Variants in ATXN10 observed in about 807,000 individuals in gnomAD.
The protein encoded by ATXN10 is ataxin-10.
In ATXN10, 28 loss-of-function variants were observed where a neutral mutation model predicts 52.9. The observed-to-expected ratio is 0.53, with a 90% CI of 0.39 to 0.73. The LOEUF (loss-of-function observed/expected upper bound fraction) is 0.73. Ranked by LOEUF, ATXN10 falls within the 30% of genes least tolerant of loss-of-function variation. The pLI, the probability that ATXN10 is intolerant of heterozygous loss-of-function variation, is 0.00. For synonymous variants in ATXN10, 226 were observed against 221.5 expected, an observed-to-expected ratio of 1.02 and a Z score of -0.18; for missense variants, 565 against 577.0, an observed-to-expected ratio of 0.98 and a Z score of 0.21.
At position 45,824,649 on chromosome 22, in the gene ATXN10, A is replaced by G. The variant is rs1928759828; in HGVS notation, c.1237+17627A>G. 6.6e-6 allele frequency among the ~76,000 whole-genome samples: 1 copy of G among 152,268 alleles called. No homozygotes were observed. The highest frequency in any genetic ancestry group is 6.5e-5 in the Admixed American group (1 of 15,290). On this transcript the variant is annotated intron_variant, in intron 10 of 11. Coordinates refer to ENST00000252934, the MANE Select transcript of ATXN10 (RefSeq NM_013236.4). This position sits in a 1 kb window ranked among gnomAD's most constrained non-coding sequence, Gnocchi z 5.2. Reference sequence around the variant, plus strand: ...GGAACAATGACTTACAAAGTGCAGTAAACACATCACATATCCATGGGTATA... The same window carrying G: ...GGAACAATGACTTACAAAGTGCAGTGAACACATCACATATCCATGGGTATA...
At chr22:45,731,755 A>G (rs1925097723) in intron 7 of ATXN10, among the ~76,000 whole-genome samples, 1 of 152,162 alleles carries the variant, frequency 6.6e-6, no homozygotes, top group African/African-American at 2.4e-5. Flanking sequence ...TTGTGAATAT[A>G]CTTTCGTTCA....
At chr22:45,834,012 G>A (rs367899725) in intron 10 of ATXN10, among the ~76,000 whole-genome samples, 4 of 152,192 alleles carry the variant, frequency 2.6e-5, no homozygotes, top group African/African-American at 9.7e-5. Context: ...AACATCTACC[G>A]CATAGAGAGT....
chr22:45,672,916 G>A (rs996101320), intron 1 of ATXN10: 1 of 152,228 alleles, frequency 6.6e-6, no homozygotes, highest in African/African-American at 2.4e-5. Flanking sequence ...TTAGTTGCTG[G>A]ATTGTACAGA....
chr22:45,672,006 C>T lies in ATXN10; in HGVS notation c.-58C>T, dbSNP rs1601580097. ...CTCCTCCCTCCTCGTCATCCTCCCC[C>T]TTCGTCCTCCTCGCCTTCCTCCTCC... On this transcript the variant is annotated 5_prime_UTR_variant, in exon 1 of 12. Coordinates refer to ENST00000252934, the MANE Select transcript of ATXN10 (RefSeq NM_013236.4). 3 of 1,521,220 alleles carry T rather than the reference C, an allele frequency of 2.0e-6. No homozygotes were observed. Among genetic ancestry groups the T allele is most frequent in the South Asian group, 2.4e-5 (2 of 83,116 alleles). 94.2% of individuals were successfully genotyped at this position (1,521,220 alleles called of 1,614,324 possible).
chr22:45,786,702 TTCCTTTATGGC>T lies in ATXN10; in HGVS notation c.1174-20256_1174-20246del, dbSNP rs1927334949. On this transcript the variant is annotated intron_variant, in intron 9 of 11. Transcript: ENST00000252934. The surrounding 1 kb of genome is among the most constrained non-coding windows in gnomAD (Gnocchi z 4.1). Reference sequence around the variant, plus strand: ...TAGGCAGCTGGAGGAATGCTCAGCCTTCCTTTATGGCAAAGGAAAGCCCCAAAGAACATTTT... The same window carrying T: ...TAGGCAGCTGGAGGAATGCTCAGCCTAAAGGAAAGCCCCAAAGAACATTTT... 1.3e-5 allele frequency among the ~76,000 whole-genome samples: 2 copies of T among 152,222 alleles called. No homozygotes were observed. The highest frequency in any genetic ancestry group is 4.8e-5 in the African/African-American group (2 of 41,458).
intron 6 of ATXN10, among the ~76,000 whole-genome samples, chr22:45,723,076 G>T (rs111276909): frequency 1.3e-5 from 2 of 152,032 alleles, no homozygotes. Context: ...TTTAGAGTAC[G>T]CATTTGGGCC....
At chr22:45,811,847 G>A in intron 10 of ATXN10, 1 of 461,150 alleles carries the variant, frequency 2.2e-6, no homozygotes, top group Middle Eastern at 3.3e-4. Context: ...AACCAAAACT[G>A]GATCATTCCT....
At chr22:45,735,972 A>G (rs963716324) in intron 7 of ATXN10, among the ~76,000 whole-genome samples, 2 of 152,068 alleles carry the variant, frequency 1.3e-5, no homozygotes, top group African/African-American at 2.4e-5. Flanking sequence ...CCAGATGCTC[A>G]TTAGAAACAC....
Position 45,759,900 on chromosome 22 carries a change from AC to A in ATXN10, c.1173+19366del, listed in dbSNP as rs900967424. 6.6e-6 allele frequency among the ~76,000 whole-genome samples: 1 copy of A among 152,116 alleles called. No individual in the cohort carries two copies. The highest frequency in any genetic ancestry group is 2.4e-5 in the African/African-American group (1 of 41,426). On this transcript the variant is annotated intron_variant, in intron 9 of 11. Transcript: ENST00000252934. This position sits in a 1 kb window ranked among gnomAD's most constrained non-coding sequence, Gnocchi z 5.4. Reference sequence around the variant, plus strand: ...AGATGTCTGCACCTGTGTAATTATCACCCCAGTCAAGGTACAGAGAGCACCT... The same window carrying A: ...AGATGTCTGCACCTGTGTAATTATCACCCAGTCAAGGTACAGAGAGCACCT...
At chr22:45,827,231 A>G (rs1337662981) in intron 10 of ATXN10, among the ~76,000 whole-genome samples, 3 of 152,180 alleles carry the variant, frequency 2.0e-5, no homozygotes, top group Admixed American at 1.3e-4. Flanking sequence ...CAGTACAAAA[A>G]ATAAAAAGAA....
Position 45,740,717 on chromosome 22 carries a change from C to CACACAT in ATXN10, c.1173+182_1173+183insCATACA, listed in dbSNP as rs1197717038. 7.2e-3 allele frequency: 2,932 copies of CACACAT among 406,588 alleles called. 82 individuals carry two copies. Among genetic ancestry groups the CACACAT allele is most frequent in the African/African-American group, 0.065 (2,710 of 41,876 alleles). 25.2% of individuals were successfully genotyped at this position (406,588 alleles called of 1,614,324 possible). ...ACACACACACACACACACACACACA[C>CACACAT]ACATATATATACACACACACACGTG... On this transcript the variant is annotated intron_variant, in intron 9 of 11. Transcript: ENST00000252934.
rs571750107 is a variant in ATXN10, at chr22:45,731,187, A to C, written c.894+1597A>C. Among the ~76,000 whole-genome samples the C allele has an allele frequency of 7.2e-5, 11 of 152,332 alleles. No homozygotes were observed. The South Asian group carries it at 1.9e-3, about 26-fold the overall frequency. On this transcript the variant is annotated intron_variant, in intron 7 of 11. Transcript: ENST00000252934. ...GTAAAAAGGGATGCACTTGTGATACAACAGGGAAGAATCTCAGAAGTGCTG... is the reference window on the plus strand; with the variant it reads ...GTAAAAAGGGATGCACTTGTGATACCACAGGGAAGAATCTCAGAAGTGCTG...
chr22:45,685,808 TATAG>T (rs1205108179), intron 1 of ATXN10, among the ~76,000 whole-genome samples: 1 of 152,198 alleles, frequency 6.6e-6, no homozygotes, highest in Non-Finnish European at 1.5e-5. Context: ...GAATAGAAGC[TATAG>T]ATATTTATTA....
At chr22:45,692,928 C>CA in intron 2 of ATXN10, 68 bp from the exon 3 acceptor site, 1 of 1,331,354 alleles carries the variant, frequency 7.5e-7, no homozygotes, top group Admixed American at 1.7e-5. Context: ...CATTGTAGTG[C>CA]AAAAACAGCC....
At chr22:45,761,201 A>T (rs558798507) in intron 9 of ATXN10, among the ~76,000 whole-genome samples, 1 of 152,034 alleles carries the variant, frequency 6.6e-6, no homozygotes, top group East Asian at 1.9e-4. Flanking sequence ...GCTCACTGCA[A>T]CCTCCACCTC....
intron 9 of ATXN10, among the ~76,000 whole-genome samples, chr22:45,746,467 A>G (rs888751644): frequency 6.6e-6 from 1 of 152,228 alleles, no homozygotes; most frequent in African/African-American, 2.4e-5. Flanking sequence ...GTACATCAGT[A>G]CTGGCTGACT....
At position 45,823,547 on chromosome 22, in the gene ATXN10, A is replaced by T. The variant is rs993320172; in HGVS notation, c.1237+16525A>T. Reference sequence around the variant, plus strand: ...CATAAATCATTGTCCTACAGGCATGATTCTGTTTCCTGTGCTGTATTCTCT... The same window carrying T: ...CATAAATCATTGTCCTACAGGCATGTTTCTGTTTCCTGTGCTGTATTCTCT... On this transcript the variant is annotated intron_variant, in intron 10 of 11. Coordinates refer to ENST00000252934, the MANE Select transcript of ATXN10 (RefSeq NM_013236.4). The surrounding 1 kb of genome is among the most constrained non-coding windows in gnomAD (Gnocchi z 4.9). Among the ~76,000 whole-genome samples the T allele has an allele frequency of 2.0e-5, 3 of 152,084 alleles. No individual in the cohort carries two copies. The highest frequency in any genetic ancestry group is 7.2e-5 in the African/African-American group (3 of 41,394).
At chr22:45,735,559 G>C (rs963684168) in intron 7 of ATXN10, among the ~76,000 whole-genome samples, 4 of 152,074 alleles carry the variant, frequency 2.6e-5, no homozygotes, top group African/African-American at 9.6e-5. Flanking sequence ...ACACTGAAAT[G>C]AACACACAAA....
chr22:45,773,641 A>G (rs760355154), intron 9 of ATXN10, among the ~76,000 whole-genome samples: 39 of 152,008 alleles, frequency 2.6e-4, no homozygotes, highest in Non-Finnish European at 4.9e-4. Context: ...TATTTTTAGT[A>G]GAGATGGGGT....
Sources: gnomAD v4.1 joint callset for allele counts (sites outside exome capture counted in the v4.1 genomes callset) on GRCh38, gnomAD v4.1.1 for gene constraint, Gnocchi (gnomAD v3.1) non-coding constraint, MANE v1.5 for transcripts, NCBI Gene and HGNC (gene_info 2026-07-23, HGNC 2026-07-21) for gene names.